Variants in CHN2 observed in about 807,000 individuals in gnomAD.
CHN2 encodes beta-chimaerin.
A neutral mutation model predicts 56.3 loss-of-function variants in CHN2; 35 were observed. The observed-to-expected ratio is 0.62, with a 90% CI of 0.47 to 0.82. The LOEUF (loss-of-function observed/expected upper bound fraction) is 0.82. Ranked by LOEUF, CHN2 falls within the 40% of genes least tolerant of loss-of-function variation. The probability of loss-of-function intolerance (pLI) is 0.00; values close to 1 mark genes in which losing one functional copy is unlikely to be tolerated. For synonymous variants in CHN2, 210 were observed against 212.8 expected (o/e 0.99, Z 0.12); for missense variants, 491 against 580.5 (o/e 0.85, Z 1.58).
At chr7:29,173,034 G>C (rs990362343) in intron 2 of CHN2, among the ~76,000 whole-genome samples, 6 of 151,824 alleles carry the variant, frequency 4.0e-5, no homozygotes, top group Non-Finnish European at 5.9e-5. Flanking sequence ...AGGAGCCTGG[G>C]GAAGGAGAAT....
chr7:29,256,083 T>C (rs1374500595), intron 1 of CHN2, among the ~76,000 whole-genome samples: 1 of 152,264 alleles, frequency 6.6e-6, no homozygotes, highest in Non-Finnish European at 1.5e-5. Flanking sequence ...TTCTTTCTTT[T>C]CGTTCATTTC....
At chr7:29,337,713 G>A (rs1307544830) in intron 1 of CHN2, among the ~76,000 whole-genome samples, 2 of 152,200 alleles carry the variant, frequency 1.3e-5, no homozygotes, top group Non-Finnish European at 2.9e-5. Flanking sequence ...TTAATGTGGA[G>A]CTTTCAGTTA....
At position 29,498,768 on chromosome 7, in the gene CHN2, T is replaced by C. The variant is rs996798950; in HGVS notation, c.740-1099T>C. ...TGTAGACTATGCTGCCTTTTTTTTT[T>C]TTTTTTTTTTTGGAGACAGAGTCTC... On this transcript the variant is annotated intron_variant, in intron 8 of 12. Transcript: ENST00000222792. Among the ~76,000 whole-genome samples, 66 of 145,576 alleles carry C rather than the reference T, an allele frequency of 4.5e-4. 1 individual carries two copies. Among genetic ancestry groups the C allele is most frequent in the Non-Finnish European group, 8.1e-4 (54 of 66,742 alleles).
chr7:29,474,846 T>C (rs1786456836), intron 6 of CHN2, among the ~76,000 whole-genome samples: 1 of 152,238 alleles, frequency 6.6e-6, no homozygotes, highest in African/African-American at 2.4e-5. Context: ...AAATTGGTAC[T>C]GATAAAGCAC....
At chr7:29,500,414 C>T (rs981995023) in intron 9 of CHN2, among the ~76,000 whole-genome samples, 26 of 152,072 alleles carry the variant, frequency 1.7e-4, no homozygotes, top group South Asian at 8.3e-4. Flanking sequence ...TCACCTGAGC[C>T]CAGGAGTTCA....
chr7:29,227,392 G>A (rs1238666202), intron 1 of CHN2, among the ~76,000 whole-genome samples: 2 of 152,158 alleles, frequency 1.3e-5, no homozygotes. Context: ...CTGAGTTCCT[G>A]TTAAAGGTTT....
intron 1 of CHN2, among the ~76,000 whole-genome samples, chr7:29,214,795 G>A (rs1785216073): frequency 1.3e-5 from 2 of 152,172 alleles, no homozygotes; most frequent in South Asian, 4.1e-4. Flanking sequence ...CAGGGAGATG[G>A]CAATATCCTG....
intron 1 of CHN2, among the ~76,000 whole-genome samples, chr7:29,351,764 G>A (rs11973303): frequency 0.1 from 15,723 of 152,232 alleles, 1,629 homozygotes; most frequent in African/African-American, 0.26. Flanking sequence ...AATTGTCTAC[G>A]GTGGAGTCAG....
chr7:29,409,960 G>A (rs1803046956), intron 6 of CHN2, among the ~76,000 whole-genome samples: 1 of 152,140 alleles, frequency 6.6e-6, no homozygotes, highest in African/African-American at 2.4e-5. Flanking sequence ...ATGGGGACTG[G>A]GCAGGCTATG....
intron 6 of CHN2, among the ~76,000 whole-genome samples, chr7:29,478,595 T>C (rs1370676716): frequency 1.3e-5 from 2 of 152,188 alleles, no homozygotes; most frequent in Non-Finnish European, 2.9e-5. Flanking sequence ...TGGACACAGA[T>C]GCTTTGTGTT....
chr7:29,219,231 A>G (rs1258805469), intron 1 of CHN2, among the ~76,000 whole-genome samples: 1 of 152,082 alleles, frequency 6.6e-6, no homozygotes, highest in Non-Finnish European at 1.5e-5. Context: ...CTGTGTAGGA[A>G]GCTGCTTAGA....
intron 3 of CHN2, among the ~76,000 whole-genome samples, chr7:29,377,613 A>G (rs1054538086): frequency 3.3e-5 from 5 of 151,492 alleles, no homozygotes; most frequent in Non-Finnish European, 7.4e-5. Flanking sequence ...GATTTTAGAT[A>G]ACGAATTTGC....
At chr7:29,218,453 G>T (rs917305539) in intron 1 of CHN2, among the ~76,000 whole-genome samples, 1 of 152,064 alleles carries the variant, frequency 6.6e-6, no homozygotes, top group Non-Finnish European at 1.5e-5. Context: ...CCATTACTGG[G>T]TATATACCCA....
intron 6 of CHN2, among the ~76,000 whole-genome samples, chr7:29,408,505 C>T (rs1166550680): frequency 6.6e-6 from 1 of 152,170 alleles, no homozygotes; most frequent in Non-Finnish European, 1.5e-5. Flanking sequence ...TTACACAACA[C>T]GTGAGAAGTC....
intron 3 of CHN2, among the ~76,000 whole-genome samples, chr7:29,383,086 A>G (rs1800643369): frequency 6.6e-6 from 1 of 152,238 alleles, no homozygotes; most frequent in African/African-American, 2.4e-5. Flanking sequence ...GGGAAGGGCC[A>G]GGACTGTTTT....
chr7:29,264,303 C>G (rs904456155), intron 1 of CHN2, among the ~76,000 whole-genome samples: 1 of 152,218 alleles, frequency 6.6e-6, no homozygotes, highest in Non-Finnish European at 1.5e-5. Flanking sequence ...GTAACCCCGT[C>G]TGGGAGGTGT....
intron 1 of CHN2, among the ~76,000 whole-genome samples, chr7:29,350,150 G>A (rs1469223777): frequency 1.3e-5 from 2 of 152,164 alleles, no homozygotes; most frequent in Middle Eastern, 3.2e-3. Context: ...GATGAATGAT[G>A]TGTCAGAGGT....
At chr7:29,202,122 A>G (rs1784205751) in intron 1 of CHN2, among the ~76,000 whole-genome samples, 1 of 152,208 alleles carries the variant, frequency 6.6e-6, no homozygotes, top group Non-Finnish European at 1.5e-5. Context: ...AAAAGTGCCC[A>G]TGTTCAAAAA....
intron 1 of CHN2, among the ~76,000 whole-genome samples, chr7:29,259,878 G>A (rs1273864252): frequency 1.3e-5 from 2 of 152,180 alleles, no homozygotes; most frequent in African/African-American, 4.8e-5. Flanking sequence ...CCTTAGTATA[G>A]CTGGAAGGAA....
Sources: gnomAD v4.1 joint callset for allele counts (sites outside exome capture counted in the v4.1 genomes callset) on GRCh38, gnomAD v4.1.1 for gene constraint, MANE v1.5 for transcripts, NCBI Gene and HGNC (gene_info 2026-07-23, HGNC 2026-07-21) for gene names.